Variants in CORIN observed in about 807,000 individuals in gnomAD.
CORIN encodes the protein corin, serine peptidase, also known as atrial natriuretic peptide-converting enzyme.
Under a neutral mutation model 125.3 loss-of-function variants are expected in CORIN, and 117 were observed. The observed-to-expected ratio is 0.93, with a 90% confidence interval of 0.80 to 1.09. The LOEUF is 1.09. Among genes scored for constraint, CORIN ranks in the 50% least tolerant of loss-of-function variants. The pLI, the probability that CORIN is intolerant of heterozygous loss-of-function variation, is 0.00. For synonymous variants in CORIN, 450 were observed against 466.4 expected (o/e 0.96, Z 0.45); for missense variants, 1,253 against 1,306.7 (o/e 0.96, Z 0.63).
chr4:47,787,296 C>T (rs887800562), intron 2 of CORIN, among the ~76,000 whole-genome samples: 1 of 152,188 alleles, frequency 6.6e-6, no homozygotes, highest in African/African-American at 2.4e-5. Flanking sequence ...TTCTCTTTCA[C>T]TTCCTTAGTT....
At chr4:47,657,476 A>C (rs1188879320) in intron 12 of CORIN, among the ~76,000 whole-genome samples, 1 of 148,602 alleles carries the variant, frequency 6.7e-6, no homozygotes. Context: ...TGGAGCTTGC[A>C]GTGAGCGGAG....
At chr4:47,813,950 G>A (rs1409889288) in intron 1 of CORIN, among the ~76,000 whole-genome samples, 4 of 152,150 alleles carry the variant, frequency 2.6e-5, no homozygotes, top group Non-Finnish European at 5.9e-5. Context: ...CATTTTAATA[G>A]ATGGGATTGT....
intron 1 of CORIN, among the ~76,000 whole-genome samples, chr4:47,829,837 A>G (rs949023865): frequency 6.6e-6 from 1 of 152,214 alleles, no homozygotes; most frequent in Non-Finnish European, 1.5e-5. Flanking sequence ...CCACATAAAA[A>G]TTATAGCCTT....
At chr4:47,657,148 AAAGAT>A (rs1231672727) in intron 12 of CORIN, among the ~76,000 whole-genome samples, 1 of 152,232 alleles carries the variant, frequency 6.6e-6, no homozygotes, top group East Asian at 1.9e-4. Flanking sequence ...TAAAGAATGG[AAAGAT>A]AATCCATGTT....
chr4:47,741,100 C>T (rs994932969), intron 5 of CORIN, among the ~76,000 whole-genome samples: 11 of 151,826 alleles, frequency 7.2e-5, no homozygotes, highest in Non-Finnish European at 1.2e-4. Flanking sequence ...GACAGATAAA[C>T]TGGACTTCCT....
chr4:47,733,908 G>T (rs918624359), intron 5 of CORIN, among the ~76,000 whole-genome samples: 3 of 152,154 alleles, frequency 2.0e-5, no homozygotes, highest in African/African-American at 7.2e-5. Context: ...AAGATGAATC[G>T]AATTTACAGA....
intron 20 of CORIN, among the ~76,000 whole-genome samples, chr4:47,602,328 T>C (rs922450378): frequency 2.6e-5 from 4 of 152,138 alleles, no homozygotes; most frequent in African/African-American, 9.7e-5. Context: ...TCAAACTGAA[T>C]GAGAGAGTCC....
intron 2 of CORIN, among the ~76,000 whole-genome samples, chr4:47,788,283 T>C (rs1020498300): frequency 1.3e-5 from 2 of 152,220 alleles, no homozygotes; most frequent in African/African-American, 4.8e-5. Context: ...TATCAGTCTA[T>C]GGAAACAATT....
At chr4:47,784,109 T>C (rs1266786994) in intron 3 of CORIN, among the ~76,000 whole-genome samples, 1 of 152,140 alleles carries the variant, frequency 6.6e-6, no homozygotes, top group African/African-American at 2.4e-5. Context: ...AAATGGGGTA[T>C]GCTACTACCT....
intron 19 of CORIN, among the ~76,000 whole-genome samples, chr4:47,617,600 T>C (rs1722114627): frequency 6.6e-6 from 1 of 152,226 alleles, no homozygotes; most frequent in Non-Finnish European, 1.5e-5. Context: ...TCCCCAGTGA[T>C]GCTGAGAAAC....
chr4:47,727,935 A>G (rs1301289652), intron 5 of CORIN, among the ~76,000 whole-genome samples: 1 of 152,156 alleles, frequency 6.6e-6, no homozygotes, highest in African/African-American at 2.4e-5. Flanking sequence ...TACACAGCAA[A>G]AATATTTGGA....
intron 19 of CORIN, among the ~76,000 whole-genome samples, chr4:47,620,859 C>G (rs535649416): frequency 2.0e-4 from 31 of 152,254 alleles, no homozygotes; most frequent in African/African-American, 7.0e-4. Flanking sequence ...ATAGAAGTTA[C>G]TGAGCTGGCC....
chr4:47,744,428 G>A lies in CORIN; in HGVS notation c.773C>T (p.Ser258Leu). 6.2e-7 allele frequency: 1 copy of A among 1,613,890 alleles called. No individual in the cohort carries two copies. Among genetic ancestry groups the A allele is most frequent in the Non-Finnish European group, 8.5e-7 (1 of 1,179,940 alleles). Residue 258 changes from serine (S) to leucine (L), a missense_variant, in exon 5 of 22, where the codon TCA (serine) becomes TTA (leucine). Physicochemically the swap from Ser to Leu is moderately radical, Grantham distance 145. Transcript: ENST00000273857. ...TTGCTTTCCGTTTTCCTGCTGAGGT[G>A]AGAAGCAAATTCTGCTGACATTGCT... ...ESSNVSRICFSPQQENGKQLL... is the reference protein window; with the variant it reads ...ESSNVSRICFLPQQENGKQLL...
At chr4:47,780,114 G>C (rs539970947) in intron 3 of CORIN, among the ~76,000 whole-genome samples, 1 of 152,036 alleles carries the variant, frequency 6.6e-6, no homozygotes, top group East Asian at 1.9e-4. Context: ...TTAGAATTAA[G>C]CTATTGCCTT....
intron 21 of CORIN, 86 bp from the exon 22 acceptor site, chr4:47,595,989 A>T: frequency 9.1e-7 from 1 of 1,098,460 alleles, no homozygotes; most frequent in East Asian, 2.6e-5. Flanking sequence ...CTATAAAGCT[A>T]AACCCAGATT....
Position 47,665,019 on chromosome 4 carries a change from CCCATCATATTA to C in CORIN, c.1589+2_1589+12del, listed in dbSNP as rs1724412381. 3 of 1,556,064 alleles carry C rather than the reference CCCATCATATTA, an allele frequency of 1.9e-6. No individual in the cohort carries two copies. In the South Asian group the frequency reaches 3.3e-5, roughly 17 times the overall value. ...GGCAAAATAAGGGACTGGGGTAGAT[CCCATCATATTA>C]CCTGCAAGGAGGGATATGCTCGCCT... On this transcript the variant is annotated splice_donor_variant and splice_donor_5th_base_variant and intron_variant, in intron 11 of 21. Coordinates refer to ENST00000273857, the MANE Select transcript of CORIN (RefSeq NM_006587.4). LOFTEE classifies it high-confidence loss of function.
chr4:47,734,644 C>T (rs896322996), intron 5 of CORIN, among the ~76,000 whole-genome samples: 8 of 152,284 alleles, frequency 5.3e-5, no homozygotes, highest in African/African-American at 1.4e-4. Context: ...GTATGTTAAA[C>T]TATTATTATA....
At chr4:47,604,260 C>A (rs151097011) in intron 19 of CORIN, among the ~76,000 whole-genome samples, 33 of 152,316 alleles carry the variant, frequency 2.2e-4, no homozygotes, top group African/African-American at 7.9e-4. Context: ...TCTCATGGAC[C>A]TTTCCCTCTC....
At chr4:47,747,378 G>GA (rs954727253) in intron 4 of CORIN, among the ~76,000 whole-genome samples, 16 of 149,706 alleles carry the variant, frequency 1.1e-4, no homozygotes, top group African/African-American at 3.2e-4. Context: ...CATTTAAAGG[G>GA]AAAAAAAAAC....
Sources: allele counts gnomAD v4.1 joint callset (sites outside exome capture counted in the v4.1 genomes callset), GRCh38; gene constraint gnomAD v4.1.1; transcripts MANE v1.5; gene names NCBI Gene and HGNC (gene_info 2026-07-23, HGNC 2026-07-21).